Variants in AOX1 observed in about 807,000 individuals in gnomAD.
The protein encoded by AOX1 is aldehyde oxidase 1, also known as aldehyde oxidase.
Under a neutral mutation model 169.5 loss-of-function variants are expected in AOX1, and 153 were observed. The observed-to-expected ratio is 0.90, with a 90% confidence interval of 0.79 to 1.03. The LOEUF (loss-of-function observed/expected upper bound fraction) is 1.03, where lower values mean the gene tolerates loss of function less well. Ranked by LOEUF, AOX1 falls within the 50% of genes least tolerant of loss-of-function variation. The pLI, the probability that AOX1 is intolerant of heterozygous loss-of-function variation, is 0.00. For missense variants in AOX1, 1,656 were observed against 1,663.9 expected (o/e 1.00, Z 0.08); for synonymous variants, 562 against 581.9 (o/e 0.97, Z 0.49).
chr2:200,672,984 A>G (rs1377466115), downstream of AOX1, among the ~76,000 whole-genome samples: 2 of 152,200 alleles, frequency 1.3e-5, no homozygotes, highest in African/African-American at 2.4e-5. Context: ...GGAGGCCGCT[A>G]TAAGGACTTG....
At chr2:200,657,070 TC>T in intron 27 of AOX1, 133 bp downstream of exon 27, 1 of 469,588 alleles carries the variant, frequency 2.1e-6, no homozygotes, top group Non-Finnish European at 3.4e-6. Flanking sequence ...ATGCCTGTAA[TC>T]CCAGCATTTT....
chr2:200,670,437 C>A (rs778295352), intron 34 of AOX1, among the ~76,000 whole-genome samples, 192 bp from the exon 35 acceptor site: 6 of 152,138 alleles, frequency 3.9e-5, no homozygotes, highest in Non-Finnish European at 7.4e-5. Flanking sequence ...GGTCTTCAAG[C>A]GTGAGATGAT....
exon 5 of AOX1, chr2:200,677,050 A>G (rs2036109908): frequency 5.1e-6 from 2 of 393,818 alleles, no homozygotes; most frequent in Admixed American, 3.5e-5. Context: ...TAATAAATTC[A>G]TATAAAGAAA....
At chr2:200,603,071 A>G (rs2034448505) in intron 6 of AOX1, among the ~76,000 whole-genome samples, 196 bp from the exon 7 acceptor site, 1 of 152,138 alleles carries the variant, frequency 6.6e-6, no homozygotes, top group Non-Finnish European at 1.5e-5. Context: ...TTTAGTAATC[A>G]CTGCTATTCA....
intron 6 of AOX1, 113 bp from the exon 7 acceptor site, chr2:200,603,154 T>C (rs1272430252): frequency 3.7e-6 from 3 of 812,112 alleles, no homozygotes; most frequent in African/African-American, 1.7e-5. Flanking sequence ...CTCTCTTTCA[T>C]GGCATCTAAC....
At chr2:200,648,051 A>G (rs898959755) in intron 25 of AOX1, among the ~76,000 whole-genome samples, 5 of 152,008 alleles carry the variant, frequency 3.3e-5, no homozygotes, top group African/African-American at 9.7e-5. Context: ...TTCCTCCCTG[A>G]TTAGTTTAAT....
At chr2:200,604,619 A>G in intron 8 of AOX1, 77 bp from the exon 9 acceptor site, 1 of 1,444,964 alleles carries the variant, frequency 6.9e-7, no homozygotes, top group South Asian at 1.2e-5. Flanking sequence ...TTCTGTATCT[A>G]CAGTGCTAAT....
chr2:200,612,893 T>A, intron 14 of AOX1, 100 bp downstream of exon 14: 1 of 903,594 alleles, frequency 1.1e-6, no homozygotes, highest in Non-Finnish European at 1.7e-6. Flanking sequence ...AGAAGAAAAG[T>A]GTTCCATACC....
rs763873321 is a variant in AOX1, at chr2:200,651,089, T to C, written c.2963T>C (p.Leu988Ser). ...TGTATGGCCATGTCTTCCTACTCCT[T>C]GAGGAAAGTTGCTGTGGAAAAGTTC... ...RECMAMSSYS[L>S]RKVAVEKFNA... is the part of the protein sequence containing the mutation. The change falls in exon 26 of 35, where the codon TTG (leucine) becomes TCG (serine). Residue 988 changes from leucine to serine, a missense_variant. Physicochemically the swap from Leu to Ser is moderately radical, Grantham distance 145. Coordinates refer to ENST00000374700, the MANE Select transcript of AOX1 (RefSeq NM_001159.4). 3.8e-5 allele frequency: 62 copies of C among 1,613,998 alleles called. No individual in the cohort carries two copies. The Admixed American group carries it at 9.8e-4, about 26-fold the overall frequency.
At chr2:200,604,593 G>C in intron 8 of AOX1, 103 bp from the exon 9 acceptor site, 1 of 1,219,326 alleles carries the variant, frequency 8.2e-7, no homozygotes, top group Non-Finnish European at 1.2e-6. Flanking sequence ...TTTTTTAGAA[G>C]ATATGTATTT....
chr2:200,654,206 CAAAAAAAAAA>C (rs60045401), intron 26 of AOX1, among the ~76,000 whole-genome samples: 5 of 84,746 alleles, frequency 5.9e-5, no homozygotes, highest in African/African-American at 1.8e-4. Flanking sequence ...GACCCTGTCT[CAAAAAAAAAA>C]AAAAAAAAAA....
chr2:200,586,136 T>C lies in AOX1; in HGVS notation c.28T>C (p.Tyr10His), dbSNP rs2034024773. The C allele has an allele frequency of 6.4e-7, 1 of 1,566,502 alleles. No individual in the cohort carries two copies. Among genetic ancestry groups the C allele is most frequent in the East Asian group, 2.4e-5 (1 of 42,260 alleles). ...GGACCGGGCGTCCGAGCTGCTCTTC[T>C]ACGTGAACGGCCGCAAGGTGAGCGC... MDRASELLFYVNGRKVIEKN... is the reference protein window; with the variant it reads MDRASELLFHVNGRKVIEKN... The change falls in exon 1 of 35, where the codon TAC (tyrosine) becomes CAC (histidine). Residue 10 changes from tyrosine (Y) to histidine (H), a missense_variant. Physicochemically the swap from Tyr to His is moderately conservative, Grantham distance 83 (BLOSUM62 2). Coordinates refer to ENST00000374700, the MANE Select transcript of AOX1 (RefSeq NM_001159.4).
Position 200,642,695 on chromosome 2 carries a change from T to G in AOX1, c.2741T>G (p.Leu914Arg), listed in dbSNP as rs753249922. 6 of 1,614,172 alleles carry G rather than the reference T, an allele frequency of 3.7e-6. No individual in the cohort carries two copies. The Admixed American group carries it at 1.0e-4, about 27-fold the overall frequency. ...RCRGWACRTN[L>R]PSNTAFRGFG... is the part of the protein sequence containing the mutation. ...CGGGGTTGGGCATGCAGAACCAACC[T>G]TCCATCCAACACAGCTTTTCGTGGG... Residue 914 changes from leucine (L) to arginine (R), a missense_variant, in exon 25 of 35, where the codon CTT becomes CGT. Coordinates refer to ENST00000374700, the MANE Select transcript of AOX1 (RefSeq NM_001159.4).
intron 25 of AOX1, among the ~76,000 whole-genome samples, chr2:200,644,131 C>T (rs190807204): frequency 6.6e-6 from 1 of 152,208 alleles, no homozygotes; most frequent in Non-Finnish European, 1.5e-5. Flanking sequence ...GTCATGAAAT[C>T]CTTGCCTAAG....
At chr2:200,597,609 G>A (rs1003925361) in intron 4 of AOX1, 104 bp downstream of exon 4, 14 of 653,290 alleles carry the variant, frequency 2.1e-5, no homozygotes, top group Middle Eastern at 3.8e-4. Flanking sequence ...CTGCTGGCTC[G>A]GCCACTCCAA....
At chr2:200,638,114 G>A in intron 22 of AOX1, 101 bp from the exon 23 acceptor site, 1 of 956,060 alleles carries the variant, frequency 1.0e-6, no homozygotes, top group East Asian at 2.6e-5. Context: ...GTTCTGTGAG[G>A]CGTGTAGGCT....
At chr2:200,610,998 T>C (rs1214308142) in intron 12 of AOX1, among the ~76,000 whole-genome samples, 1 of 152,056 alleles carries the variant, frequency 6.6e-6, no homozygotes, top group African/African-American at 2.4e-5. Flanking sequence ...GGACTACAGG[T>C]GCGCACAACC....
Position 200,621,252 on chromosome 2 carries a change from G to A in AOX1, c.2001+6G>A, listed in dbSNP as rs1461173763. The A allele has an allele frequency of 4.4e-6, 7 of 1,606,804 alleles. No individual in the cohort carries two copies. Among genetic ancestry groups the A allele is most frequent in the Non-Finnish European group, 5.9e-6 (7 of 1,178,178 alleles). Reference sequence around the variant, plus strand: ...AATTTCTGGCGACAGATAAGGTACTGCATTTTTGCTTTCTATTTGAAAAAT... The same window carrying A: ...AATTTCTGGCGACAGATAAGGTACTACATTTTTGCTTTCTATTTGAAAAAT... On this transcript the variant is annotated splice_donor_region_variant and intron_variant, in intron 18 of 34. Coordinates refer to ENST00000374700, the MANE Select transcript of AOX1 (RefSeq NM_001159.4).
At chr2:200,586,304 G>C (rs2034029872) in intron 1 of AOX1, 151 bp downstream of exon 1, 1 of 854,526 alleles carries the variant, frequency 1.2e-6, no homozygotes. Flanking sequence ...CTTTGCCTTC[G>C]CATTCCCACC....
Sources: gnomAD v4.1 joint callset for allele counts (sites outside exome capture counted in the v4.1 genomes callset) on GRCh38, gnomAD v4.1.1 for gene constraint, MANE v1.5 for transcripts, NCBI Gene and HGNC (gene_info 2026-07-23, HGNC 2026-07-21) for gene names.